CPVL: variants seen among roughly 807,000 people sequenced by gnomAD.
CPVL encodes probable serine carboxypeptidase CPVL.
CPVL carries 51 observed loss-of-function variants against 63.7 expected under a neutral mutation model. The ratio of observed to expected loss-of-function variants is 0.80; its 90% CI spans 0.64 to 1.01. The LOEUF (loss-of-function observed/expected upper bound fraction) is 1.01, where lower values mean the gene tolerates loss of function less well. Among genes scored for constraint, CPVL ranks in the 50% least tolerant of loss-of-function variants. The pLI, the probability that CPVL is intolerant of heterozygous loss-of-function variation, is 0.00. For synonymous variants in CPVL, 195 were observed against 206.0 expected, an observed-to-expected ratio of 0.95 and a Z score of 0.46; for missense variants, 530 against 573.1, an observed-to-expected ratio of 0.92 and a Z score of 0.77.
rs530476634 is a variant in CPVL, at chr7:29,056,231, T to C, written c.1137+7830A>G. Among the ~76,000 whole-genome samples the C allele has an allele frequency of 2.6e-5, 4 of 152,342 alleles. No individual in the cohort carries two copies. In the East Asian group the frequency reaches 7.7e-4, roughly 29 times the overall value. Reference sequence around the variant, plus strand: ...GTCCACAGTTCACATTAGAACTCACTGTTGGTGTTATGCGGTCCATGGGTT... The same window carrying C: ...GTCCACAGTTCACATTAGAACTCACCGTTGGTGTTATGCGGTCCATGGGTT... On this transcript the variant is annotated intron_variant, in intron 11 of 12. Transcript: ENST00000265394.
chr7:29,174,860 TAAA>T (rs766262407), intron 5 of CPVL, among the ~76,000 whole-genome samples: 4 of 74,228 alleles, frequency 5.4e-5, no homozygotes, highest in Admixed American at 1.4e-4. Flanking sequence ...AAACTCCATC[TAAA>T]AAAAAAAAAA....
intron 9 of CPVL, among the ~76,000 whole-genome samples, chr7:29,066,545 T>A (rs971924930): frequency 2.0e-5 from 3 of 152,104 alleles, no homozygotes; most frequent in Non-Finnish European, 4.4e-5. Flanking sequence ...AGTAAAGACA[T>A]ATTGGATGAG....
chr7:29,159,863 G>A (rs1344146356), intron 5 of CPVL, among the ~76,000 whole-genome samples: 1 of 152,184 alleles, frequency 6.6e-6, no homozygotes, highest in East Asian at 1.9e-4. Context: ...TGTAATGCAA[G>A]TGCCTAGAAC....
intron 3 of CPVL, among the ~76,000 whole-genome samples, chr7:29,106,612 G>A (rs1399471993): frequency 6.6e-6 from 1 of 152,088 alleles, no homozygotes; most frequent in Non-Finnish European, 1.5e-5. Flanking sequence ...TGCTGCAAAG[G>A]AGAAATGCTG....
chr7:29,063,580 A>AT (rs1448348631), intron 11 of CPVL, among the ~76,000 whole-genome samples: 1 of 151,926 alleles, frequency 6.6e-6, no homozygotes, highest in Non-Finnish European at 1.5e-5. Flanking sequence ...TTTTATTTTT[A>AT]TTTTTTTGAG....
At chr7:29,095,284 T>C in intron 4 of CPVL, 142 bp from the exon 5 acceptor site, 1 of 673,764 alleles carries the variant, frequency 1.5e-6, no homozygotes, top group Non-Finnish European at 2.7e-6. Context: ...ACTCTCATGG[T>C]GGGGAACAGG....
At chr7:29,175,453 G>T (rs1797181944) in intron 5 of CPVL, among the ~76,000 whole-genome samples, 2 of 152,106 alleles carry the variant, frequency 1.3e-5, no homozygotes, top group Non-Finnish European at 2.9e-5. Context: ...TGGGATTACA[G>T]GTATGAGCCA....
chr7:29,193,189 G>C (rs969805722), intron 1 of CPVL: 1 of 152,294 alleles, frequency 6.6e-6, no homozygotes, highest in South Asian at 2.1e-4. Context: ...TCCTTTAACA[G>C]TTTAGCAAGG....
At chr7:29,178,091 C>A (rs929690349) in intron 5 of CPVL, among the ~76,000 whole-genome samples, 1 of 152,184 alleles carries the variant, frequency 6.6e-6, no homozygotes, top group Non-Finnish European at 1.5e-5. Flanking sequence ...AGATTCTACC[C>A]TAAGTCTGAT....
chr7:29,135,481 G>A (rs1049736388), intron 1 of CPVL, among the ~76,000 whole-genome samples: 18 of 151,826 alleles, frequency 1.2e-4, no homozygotes, highest in East Asian at 9.8e-4. Context: ...ACAGGTGCAC[G>A]CCACCATGCC....
chr7:29,137,490 T>C (rs187752772), intron 1 of CPVL, among the ~76,000 whole-genome samples: 90 of 152,332 alleles, frequency 5.9e-4, no homozygotes, highest in South Asian at 5.0e-3. Context: ...TTCCCTACTG[T>C]ACACATGGTT....
chr7:29,148,202 G>GT (rs2128685636), upstream of CPVL, among the ~76,000 whole-genome samples: 1 of 152,350 alleles, frequency 6.6e-6, no homozygotes, highest in East Asian at 1.9e-4. Flanking sequence ...GCCTTCTAAA[G>GT]TGTGGGCCCT....
chr7:29,032,010 C>T (rs1788067041), intron 11 of CPVL, among the ~76,000 whole-genome samples: 1 of 152,048 alleles, frequency 6.6e-6, no homozygotes, highest in Admixed American at 6.6e-5. Context: ...TACTCTTACG[C>T]TACTTTTATG....
rs762737193 is a variant in CPVL, at chr7:29,121,062, C to T, written c.-1G>A. 6.3e-7 allele frequency: 1 copy of T among 1,594,560 alleles called. No individual in the cohort carries two copies. Among genetic ancestry groups the T allele is most frequent in the Non-Finnish European group, 8.5e-7 (1 of 1,173,554 alleles). On this transcript the variant is annotated 5_prime_UTR_variant, in exon 2 of 13. Coordinates refer to ENST00000265394, the MANE Select transcript of CPVL (RefSeq NM_031311.5). ...TCACCTTCCACATGGCACCAACCAT[C>T]TCTCAGGGTCTAGGATAAAAACAGC... is the stretch of plus-strand genomic sequence containing the variant.
intron 11 of CPVL, among the ~76,000 whole-genome samples, chr7:29,038,999 G>A (rs1788809260): frequency 6.6e-6 from 1 of 152,162 alleles, no homozygotes. Flanking sequence ...GAACAGGTAT[G>A]GAAAGCTGTG....
chr7:29,098,371 G>A lies in CPVL; in HGVS notation c.289-2154C>T, dbSNP rs572455096. On this transcript the variant is annotated intron_variant, in intron 3 of 12. Transcript: ENST00000265394. ...ACGGCTTTGGAAAGGGGCCCAGGGG[G>A]ACCTGCTACAAGATAGGTGCTGGGA... 5.3e-5 allele frequency among the ~76,000 whole-genome samples: 8 copies of A among 152,304 alleles called. No individual in the cohort carries two copies. The South Asian group carries it at 1.5e-3, about 28-fold the overall frequency.
chr7:29,089,085 T>C (rs1175273653), intron 6 of CPVL, among the ~76,000 whole-genome samples: 1 of 152,178 alleles, frequency 6.6e-6, no homozygotes, highest in Non-Finnish European at 1.5e-5. Context: ...GGTGATTCCA[T>C]TTGGCCACCT....
In CPVL at chr7:28,995,788, T is replaced by A. The variant is rs758780191; in HGVS notation, c.1415A>T (p.Asp472Val). Residue 472 changes from aspartate (D) to valine (V), a missense_variant, in exon 13 of 13, where the codon GAT becomes GTT. Coordinates refer to ENST00000265394, the MANE Select transcript of CPVL (RefSeq NM_031311.5). ...INRFIYGKGW[D>V]PYVG ...GAAGGTAGTTTATCCAACATAAGGA[T>A]CCCATCCTTTTCCATAAATGAATCG... 7 of 1,599,546 alleles carry A rather than the reference T, an allele frequency of 4.4e-6. No individual in the cohort carries two copies. The African/African-American group carries it at 9.4e-5, about 22-fold the overall frequency.
chr7:29,115,836 TTCAA>T (rs1186514821), intron 2 of CPVL, among the ~76,000 whole-genome samples: 18 of 152,236 alleles, frequency 1.2e-4, no homozygotes, highest in Non-Finnish European at 2.9e-5. Context: ...GAAAGGATGA[TTCAA>T]TCAATCTATC....
Sources: allele counts gnomAD v4.1 joint callset (sites outside exome capture counted in the v4.1 genomes callset), GRCh38; gene constraint gnomAD v4.1.1; transcripts MANE v1.5; gene names NCBI Gene and HGNC (gene_info 2026-07-23, HGNC 2026-07-21).